Variants in CROCC observed in about 807,000 individuals in gnomAD.
CROCC encodes the protein ciliary rootlet coiled-coil, rootletin.
In CROCC, 180 loss-of-function variants were observed where a neutral mutation model predicts 245.2. The observed-to-expected ratio is 0.73, with a 90% confidence interval of 0.65 to 0.83. The LOEUF is 0.83. Among genes scored for constraint, CROCC ranks in the 40% least tolerant of loss-of-function variants. The pLI, the probability that CROCC is intolerant of heterozygous loss-of-function variation, is 0.00. For synonymous variants in CROCC, 1,205 were observed against 1,241.6 expected, an observed-to-expected ratio of 0.97 and a Z score of 0.62; for missense variants, 2,688 against 2,779.4, an observed-to-expected ratio of 0.97 and a Z score of 0.74.
intron 35 of CROCC, chr1:16,970,990 C>T (rs1020499864): frequency 1.0e-5 from 5 of 484,676 alleles, no homozygotes; most frequent in East Asian, 6.6e-5. Flanking sequence ...GGTTCATGTA[C>T]GTTGTGGCCA....
chr1:16,952,201 T>C lies in CROCC; in HGVS notation c.3006+1079T>C, dbSNP rs533760938. ...GGTGAAGATCTTAAAGAAGGGGCGG[T>C]TTGGCCGGTCGTGCTGACTCATGCC... On this transcript the variant is annotated intron_variant, in intron 20 of 36. Coordinates refer to ENST00000375541, the MANE Select transcript of CROCC (RefSeq NM_014675.5). Among the ~76,000 whole-genome samples the C allele has an allele frequency of 1.4e-3, 204 of 142,864 alleles. No individual in the cohort carries two copies. In the East Asian group the frequency reaches 0.028, roughly 20 times the overall value. The allele number at this position is 142,864 out of a possible 152,430, so 93.7% of individuals were successfully genotyped here. A position where few individuals can be genotyped will look rare whatever the true frequency, so the allele number is the denominator to read the frequency against.
Position 16,953,657 on chromosome 1 carries a change from T to C in CROCC, c.3186+176T>C, listed in dbSNP as rs667158. ...TAGAAGGGGGTTCGTGAGGCTTTGC[T>C]GTGCTCCATGCCTGGCACACAGTGA... On this transcript the variant is annotated intron_variant, in intron 21 of 36. Coordinates refer to ENST00000375541, the MANE Select transcript of CROCC (RefSeq NM_014675.5). 1,509 of 594,462 alleles carry C rather than the reference T, an allele frequency of 2.5e-3. 18 individuals are homozygous for C. The highest frequency in any genetic ancestry group is 0.016 in the African/African-American group (761 of 49,086). The allele number at this position is 594,462 out of a possible 1,614,324, so 36.8% of individuals were successfully genotyped here. A position where few individuals can be genotyped will look rare whatever the true frequency, so the allele number is the denominator to read the frequency against.
At chr1:16,970,020 T>C in intron 33 of CROCC, 86 bp downstream of exon 33, 1 of 1,473,798 alleles carries the variant, frequency 6.8e-7, no homozygotes. Context: ...CTCAACCTCA[T>C]CCCAAACCCT....
chr1:16,929,784 C>T (rs2075622196), intron 3 of CROCC, 62 bp from the exon 4 acceptor site: 3 of 1,467,008 alleles, frequency 2.0e-6, no homozygotes, highest in Non-Finnish European at 1.8e-6. Flanking sequence ...CCACGCCCTA[C>T]AGAAGCCTGA....
chr1:16,930,044 C>A lies in CROCC; in HGVS notation c.537+13C>A. 2 of 1,567,586 alleles carry A rather than the reference C, an allele frequency of 1.3e-6. No individual in the cohort carries two copies. Among genetic ancestry groups the A allele is most frequent in the Non-Finnish European group, 1.7e-6 (2 of 1,159,724 alleles). ...GCTGCAGGGCAAGGTCAGGACCACC[C>A]ACTCCTGCTCCTGTCCTCCCACCTG... On this transcript the variant is annotated intron_variant, in intron 4 of 36. Transcript: ENST00000375541.
chr1:16,930,355 C>A lies in CROCC; in HGVS notation c.683+8C>A. ...GGAGGAGGAGCAGCAGAGGTGAGGG[C>A]GCAGCAGGGAGGGCCAGGGCTGGCA... On this transcript the variant is annotated splice_region_variant and intron_variant, in intron 6 of 36. Coordinates refer to ENST00000375541, the MANE Select transcript of CROCC (RefSeq NM_014675.5). 1 of 1,610,504 alleles carries A rather than the reference C, an allele frequency of 6.2e-7. No homozygotes were observed. The highest frequency in any genetic ancestry group is 1.3e-5 in the African/African-American group (1 of 75,000).
At chr1:16,955,169 C>A in intron 23 of CROCC, 143 bp from the exon 24 acceptor site, 3 of 832,294 alleles carry the variant, frequency 3.6e-6, no homozygotes, top group Non-Finnish European at 3.8e-6. Context: ...GCACGCCTTG[C>A]TCAAATGATA....
intron 25 of CROCC, 99 bp downstream of exon 25, chr1:16,956,255 C>G: frequency 7.7e-7 from 1 of 1,290,572 alleles, no homozygotes; most frequent in Non-Finnish European, 1.0e-6. Context: ...TATGTAAAAC[C>G]AGGGGCTTGA....
Position 16,916,626 on chromosome 1 carries a change from C to T in CROCC, n.126-13660C>T, listed in dbSNP as rs548825532. On this transcript the variant is annotated intron_variant and non_coding_transcript_variant, in intron 1 of 8. Coordinates refer to the CROCC transcript ENST00000466256. Reference sequence around the variant, plus strand: ...GGCTCAAGCAATCCTCCTGCCTCAGCCTCTCAAGGAACTGGGACTACAGGA... The same window carrying T: ...GGCTCAAGCAATCCTCCTGCCTCAGTCTCTCAAGGAACTGGGACTACAGGA... Among the ~76,000 whole-genome samples, 22 of 152,398 alleles carry T rather than the reference C, an allele frequency of 1.4e-4. No individual in the cohort carries two copies. The East Asian group carries it at 4.2e-3, about 29-fold the overall frequency.
At position 16,938,455 on chromosome 1, in the gene CROCC, T is replaced by C. The variant is rs2075841273; in HGVS notation, c.1346T>C (p.Leu449Pro). ...CTGGAGACAGAGGATGGAGAGGGGCTACAGCAGACCCTAAGGGACCTGGCA... is the reference window on the plus strand; with the variant it reads ...CTGGAGACAGAGGATGGAGAGGGGCCACAGCAGACCCTAAGGGACCTGGCA... ...AALETEDGEG[L>P]QQTLRDLAQA... The change falls in exon 11 of 37, where the codon CTA becomes CCA. Residue 449 changes from leucine to proline, a missense_variant. This residue lies in a region of CROCC where 972 missense variants were observed against 895.3 expected (regional missense o/e 1.09). Coordinates refer to ENST00000375541, the MANE Select transcript of CROCC (RefSeq NM_014675.5). 3 of 1,580,582 alleles carry C rather than the reference T, an allele frequency of 1.9e-6. No homozygotes were observed. The East Asian group carries it at 6.9e-5, about 36-fold the overall frequency.
intron 13 of CROCC, among the ~76,000 whole-genome samples, chr1:16,942,371 T>C (rs1318344843): frequency 2.0e-5 from 3 of 152,268 alleles, no homozygotes; most frequent in African/African-American, 7.2e-5. Flanking sequence ...TGTTGTTTGG[T>C]TTTTCTCTTC....
Position 16,958,622 on chromosome 1 carries a change from G to A in CROCC, c.3904G>A (p.Glu1302Lys). 2 of 1,555,080 alleles carry A rather than the reference G, an allele frequency of 1.3e-6. No individual in the cohort carries two copies. The highest frequency in any genetic ancestry group is 2.4e-5 in the South Asian group (2 of 84,352). The part of the protein sequence containing the change: ...LDSENTRLGR[E>K]LAELQGRLAL... The stretch of plus-strand genomic sequence containing the variant: ...CAGTGAGAACACCAGACTGGGCCGG[G>A]AGCTGGCGGAGCTGCAGGGCCGCCT... Residue 1302 changes from glutamate (E) to lysine (K), a missense_variant, in exon 26 of 37, where the codon GAG becomes AAG. This residue lies in a region of CROCC where 1,218 missense variants were observed against 1,286.3 expected (regional missense o/e 0.95). Coordinates refer to ENST00000375541, the MANE Select transcript of CROCC (RefSeq NM_014675.5).
rs547409672 is a variant in CROCC, at chr1:16,922,209, C to T, written c.60+131C>T. ...GTGGTGGTGGTGGGGTATACAGGGG[C>T]CCCCCGCTTGCAGTTCCTGGCAAGA... On this transcript the variant is annotated intron_variant, in intron 1 of 36. Coordinates refer to ENST00000375541, the MANE Select transcript of CROCC (RefSeq NM_014675.5). The T allele has an allele frequency of 1.3e-5, 13 of 973,930 alleles. No homozygotes were observed. The South Asian group carries it at 1.5e-4, about 11-fold the overall frequency. The allele number at this position is 973,930 out of a possible 1,614,324, so 60.3% of individuals were successfully genotyped here. A position where few individuals can be genotyped will look rare whatever the true frequency, so the allele number is the denominator to read the frequency against.
Position 16,972,392 on chromosome 1 carries a change from G to A in CROCC, c.6000G>A (p.Glu2000=). ...VSTLKGQLQQ[E]LRRSSAPFSP... is the part of the protein sequence containing the mutation. ...CACTGAAGGGCCAGCTGCAGCAGGA[G>A]CTTCGAAGGAGCTCAGCACCCTTCT... Residue 2000 remains glutamate (E), a synonymous_variant, in exon 37 of 37, where the codon GAG becomes GAA. Coordinates refer to ENST00000375541, the MANE Select transcript of CROCC (RefSeq NM_014675.5). 6.2e-7 allele frequency: 1 copy of A among 1,613,978 alleles called. No homozygotes were observed. The highest frequency in any genetic ancestry group is 1.3e-5 in the African/African-American group (1 of 75,036).
At chr1:16,918,981 C>T (rs1195073372), upstream of CROCC, among the ~76,000 whole-genome samples, 5 of 152,296 alleles carry the variant, frequency 3.3e-5, no homozygotes, top group African/African-American at 1.2e-4. Flanking sequence ...AAGTGATCGA[C>T]CTGCCTCGGC....
intron 13 of CROCC, among the ~76,000 whole-genome samples, chr1:16,940,307 G>A (rs1450224219): frequency 4.7e-5 from 7 of 149,110 alleles, no homozygotes; most frequent in African/African-American, 9.9e-5. Context: ...CACTGCAAGC[G>A]CCGCCTCCTG....
Position 16,923,702 on chromosome 1 carries a change from A to G in CROCC, c.197-623A>G, listed in dbSNP as rs1434527582. On this transcript the variant is annotated intron_variant, in intron 2 of 36. Transcript: ENST00000375541. ...TTTTTTTTTTTTTTTTTTTTTTGAG[A>G]CAGAGTCTCGCTGTGTTGCCCAGGC... Among the ~76,000 whole-genome samples the G allele has an allele frequency of 4.6e-5, 5 of 108,242 alleles. No homozygotes were observed. The East Asian group carries it at 1.3e-3, about 29-fold the overall frequency. The allele number at this position is 108,242 out of a possible 152,430, so 71.0% of individuals were successfully genotyped here.
At chr1:16,937,208 C>G (rs1189823478) in intron 9 of CROCC, among the ~76,000 whole-genome samples, 3 of 152,266 alleles carry the variant, frequency 2.0e-5, no homozygotes, top group African/African-American at 7.2e-5. Context: ...CAAAAATTAG[C>G]TGGGCGTGGT....
At position 16,951,010 on chromosome 1, in the gene CROCC, A is replaced by G. The variant is rs2076150590; in HGVS notation, c.2894A>G (p.Asp965Gly). Residue 965 changes from aspartate to glycine, a missense_variant, in exon 20 of 37, where the codon GAC (aspartate) becomes GGC (glycine). Physicochemically the swap from Asp to Gly is moderately conservative, Grantham distance 94. This residue lies in a region of CROCC where 106 missense variants were observed against 126.1 expected (regional missense o/e 0.84). Transcript: ENST00000375541. Reference protein sequence around the residue: ...IIATQEKASLDKELMAQKLVQ... With the variant: ...IIATQEKASLGKELMAQKLVQ... ...GCTACACAGGAGAAAGCCAGTCTAG[A>G]CAAGGAGCTGATGGCCCAGAAGCTG... 2 of 1,606,338 alleles carry G rather than the reference A, an allele frequency of 1.2e-6. No individual in the cohort carries two copies. Among genetic ancestry groups the G allele is most frequent in the African/African-American group, 1.3e-5 (1 of 74,632 alleles).
Sources: allele counts gnomAD v4.1 joint callset (sites outside exome capture counted in the v4.1 genomes callset), GRCh38; gene constraint gnomAD v4.1.1; regional missense constraint gnomAD v4.1.1; transcripts MANE v1.5; gene names NCBI Gene and HGNC (gene_info 2026-07-23, HGNC 2026-07-21).